The following VGLL3 variants were observed in gnomAD, a reference collection of about 807,000 sequenced individuals.
VGLL3 encodes the protein vestigial like family member 3, also known as transcription cofactor vestigial-like protein 3.
A neutral mutation model predicts 29.2 loss-of-function variants in VGLL3; 18 were observed. That is an observed-to-expected ratio of 0.62 (90% confidence interval 0.43 to 0.91). VGLL3 has a LOEUF of 0.91. VGLL3 is among the 40% of genes least tolerant of loss of function. The pLI, the probability that VGLL3 is intolerant of heterozygous loss-of-function variation, is 0.00. For synonymous variants in VGLL3, 180 were observed against 151.8 expected, an observed-to-expected ratio of 1.19 and a Z score of -1.36; for missense variants, 440 against 413.2, an observed-to-expected ratio of 1.06 and a Z score of -0.56.
In VGLL3 at chr3:86,946,701, G is replaced by A. The variant is rs1383436488; in HGVS notation, c.*323C>T. ...TTTAATGTGTGGTTCATCCTTTCCT[G>A]ACAAGGTGGTTGGCTAAAAAAAAAA... On this transcript the variant is annotated 3_prime_UTR_variant, in exon 4 of 4. Transcript: ENST00000398399. The A allele has an allele frequency of 1.4e-5, 3 of 215,246 alleles. No homozygotes were observed. Among genetic ancestry groups the A allele is most frequent in the Non-Finnish European group, 9.1e-6 (1 of 109,728 alleles). The allele number at this position is 215,246 out of a possible 1,614,324, so 13.3% of individuals were successfully genotyped here. A position where few individuals can be genotyped will look rare whatever the true frequency, so the allele number is the denominator to read the frequency against.
In VGLL3 at chr3:86,984,130, T is replaced by C. The variant is rs1261080521; in HGVS notation, c.127-5328A>G. Among the ~76,000 whole-genome samples the C allele has an allele frequency of 2.0e-5, 3 of 152,236 alleles. No individual in the cohort carries two copies. The East Asian group carries it at 5.8e-4, about 29-fold the overall frequency. ...TAGAGATTAAACAATGTCATGCTTTTAAAAACATATATAATTCTAGGTGAA... is the reference window on the plus strand; with the variant it reads ...TAGAGATTAAACAATGTCATGCTTTCAAAAACATATATAATTCTAGGTGAA... On this transcript the variant is annotated intron_variant, in intron 1 of 3. Transcript: ENST00000398399.
chr3:86,972,508 A>G (rs1575873421), intron 2 of VGLL3, among the ~76,000 whole-genome samples: 1 of 152,196 alleles, frequency 6.6e-6, no homozygotes, highest in East Asian at 1.9e-4. Flanking sequence ...TCTTGATGCA[A>G]AGGAAGAGAT....
chr3:86,989,345 C>T (rs568999017), intron 1 of VGLL3, among the ~76,000 whole-genome samples: 2 of 152,280 alleles, frequency 1.3e-5, no homozygotes, highest in Admixed American at 6.5e-5. Flanking sequence ...GAAAGTAGGG[C>T]TCCTTCCTCT....
In VGLL3 at chr3:86,956,617, T is replaced by C. The variant is rs536374354; in HGVS notation, c.938-9550A>G. On this transcript the variant is annotated intron_variant, in intron 3 of 3. Coordinates refer to ENST00000398399, the MANE Select transcript of VGLL3 (RefSeq NM_016206.4). ...CTGGCTAGCACGGTGAAACCCGGTC[T>C]TTACTAAAAATACAAAAAATTAGCC... 8.6e-5 allele frequency among the ~76,000 whole-genome samples: 13 copies of C among 151,988 alleles called. No individual in the cohort carries two copies. In the East Asian group the frequency reaches 2.3e-3, roughly 27 times the overall value.
At position 86,969,009 on chromosome 3, in the gene VGLL3, G is replaced by A. The variant is rs1288595869; in HGVS notation, c.518C>T (p.Thr173Ile). The change falls in exon 3 of 4, where the codon ACT becomes ATT. Residue 173 changes from threonine (T) to isoleucine (I), a missense_variant. Physicochemically the swap from Thr to Ile is moderately conservative, Grantham distance 89 (BLOSUM62 -1). Transcript: ENST00000398399. ...LGGVHPDFQV[T>I]GPPGTFSAAD... ...TGCAGAAAAGGTGCCAGGGGGTCCA[G>A]TGACCTGGAAGTCAGGATGAACTCC... The A allele has an allele frequency of 1.2e-6, 2 of 1,614,176 alleles. No individual in the cohort carries two copies. The highest frequency in any genetic ancestry group is 8.5e-7 in the Non-Finnish European group (1 of 1,180,034).
intron 2 of VGLL3, among the ~76,000 whole-genome samples, chr3:86,976,009 G>T (rs764429481): frequency 1.3e-5 from 2 of 152,076 alleles, no homozygotes; most frequent in African/African-American, 4.8e-5. Flanking sequence ...AGCTACTCAG[G>T]AGGCTGAGGC....
At chr3:86,983,597 G>T (rs927093154) in intron 1 of VGLL3, among the ~76,000 whole-genome samples, 1 of 151,998 alleles carries the variant, frequency 6.6e-6, no homozygotes, top group Non-Finnish European at 1.5e-5. Flanking sequence ...TGTTGCCAGG[G>T]TTGGTCTCCA....
At chr3:86,982,279 GGATTA>G (rs1705341274) in intron 1 of VGLL3, among the ~76,000 whole-genome samples, 1 of 152,026 alleles carries the variant, frequency 6.6e-6, no homozygotes, top group African/African-American at 2.4e-5. Context: ...CTAGAAGCTG[GGATTA>G]CAGGTGCCTG....
intron 2 of VGLL3, among the ~76,000 whole-genome samples, chr3:86,975,882 C>T (rs563194900): frequency 1.3e-5 from 2 of 151,994 alleles, no homozygotes; most frequent in Non-Finnish European, 1.5e-5. Context: ...GAGGCCGAGG[C>T]GGGCAGATCA....
chr3:86,955,116 A>G (rs1704691849), intron 3 of VGLL3, among the ~76,000 whole-genome samples: 1 of 151,724 alleles, frequency 6.6e-6, no homozygotes, highest in Admixed American at 6.6e-5. Context: ...TTCCTACCCA[A>G]AAAAAAAGTA....
At chr3:86,982,829 T>C (rs1339092414) in intron 1 of VGLL3, among the ~76,000 whole-genome samples, 2 of 152,210 alleles carry the variant, frequency 1.3e-5, no homozygotes, top group Non-Finnish European at 2.9e-5. Context: ...TCTTCACCAC[T>C]ACATAGTTAT....
intron 3 of VGLL3, among the ~76,000 whole-genome samples, chr3:86,964,280 T>C (rs1299188258): frequency 6.6e-6 from 1 of 152,198 alleles, no homozygotes; most frequent in Non-Finnish European, 1.5e-5. Context: ...GAGACCTGTA[T>C]GGCATGGCAA....
chr3:86,950,538 A>C (rs926525603), intron 3 of VGLL3, among the ~76,000 whole-genome samples: 6 of 152,236 alleles, frequency 3.9e-5, no homozygotes. Context: ...CAAAATTATC[A>C]CAAAATCAAT....
rs77973813 is a variant in VGLL3, at chr3:86,942,448, G to GA, written c.*4575_*4576insT. 1.3e-5 allele frequency: 2 copies of GA among 151,790 alleles called. No individual in the cohort carries two copies. The highest frequency in any genetic ancestry group is 4.8e-5 in the African/African-American group (2 of 41,310). 9.4% of individuals were successfully genotyped at this position (151,790 alleles called of 1,614,324 possible). A position where few individuals can be genotyped will look rare whatever the true frequency, so the allele number is the denominator to read the frequency against. On this transcript the variant is annotated 3_prime_UTR_variant, in exon 4 of 4. Coordinates refer to ENST00000398399, the MANE Select transcript of VGLL3 (RefSeq NM_016206.4). ...GCTGACTGAGATCGTAAATGGTTGT[G>GA]TTTTTCCCCCTTTTAATGCGGAAGA...
At chr3:86,980,214 T>C (rs974694890) in intron 1 of VGLL3, among the ~76,000 whole-genome samples, 4 of 151,954 alleles carry the variant, frequency 2.6e-5, no homozygotes, top group African/African-American at 9.7e-5. Flanking sequence ...TACCCAGTAA[T>C]TTTTCAAATG....
intron 2 of VGLL3, among the ~76,000 whole-genome samples, chr3:86,974,780 C>G (rs1705174345): frequency 6.6e-6 from 1 of 152,276 alleles, no homozygotes; most frequent in East Asian, 1.9e-4. Context: ...AATACTCGGT[C>G]AGCAGTTCCT....
chr3:86,946,886 A>G lies in VGLL3; in HGVS notation c.*138T>C. 3 of 636,170 alleles carry G rather than the reference A, an allele frequency of 4.7e-6. No homozygotes were observed. The allele number at this position is 636,170 out of a possible 1,614,324, so 39.4% of individuals were successfully genotyped here. ...TTTGCTTTCTCAAGAAAGGCCGAAA[A>G]CCAGTCAACTGCGTGACACTTTGTC... On this transcript the variant is annotated 3_prime_UTR_variant, in exon 4 of 4. Transcript: ENST00000398399.
intron 1 of VGLL3, 179 bp downstream of exon 1, chr3:86,990,439 C>G (rs990679157): frequency 1.0e-6 from 1 of 978,038 alleles, no homozygotes; most frequent in African/African-American, 1.8e-5. Flanking sequence ...ACCCACCCGT[C>G]CACCCTGCTG....
At chr3:86,952,390 T>C (rs1387296564) in intron 3 of VGLL3, among the ~76,000 whole-genome samples, 3 of 152,294 alleles carry the variant, frequency 2.0e-5, no homozygotes, top group Admixed American at 6.5e-5. Context: ...TCTGAGAAAG[T>C]ATAGTCATTT....
Sources: allele counts gnomAD v4.1 joint callset (sites outside exome capture counted in the v4.1 genomes callset), GRCh38; gene constraint gnomAD v4.1.1; transcripts MANE v1.5; gene names NCBI Gene and HGNC (gene_info 2026-07-23, HGNC 2026-07-21).